Variants in ELK3 observed in about 807,000 individuals in gnomAD.
The protein encoded by ELK3 is ETS domain-containing protein Elk-3.
In ELK3, 10 loss-of-function variants were observed where a neutral mutation model predicts 28.9. The observed-to-expected ratio is 0.35, with a 90% confidence interval of 0.21 to 0.59. The LOEUF is 0.59. Among genes scored for constraint, ELK3 ranks in the 20% least tolerant of loss-of-function variants. The probability of loss-of-function intolerance (pLI) is 0.82; values close to 1 mark genes in which losing one functional copy is unlikely to be tolerated. For missense variants in ELK3, 463 were observed against 517.3 expected, an observed-to-expected ratio of 0.90 and a Z score of 1.02; for synonymous variants, 272 against 243.5, an observed-to-expected ratio of 1.12 and a Z score of -1.09.
At chr12:96,211,799 T>G (rs1371858780) in intron 1 of ELK3, among the ~76,000 whole-genome samples, 1 of 152,212 alleles carries the variant, frequency 6.6e-6, no homozygotes, top group Non-Finnish European at 1.5e-5. Context: ...AACTTGTGCT[T>G]TTCCATTGAC....
chr12:96,234,957 C>T (rs1951770541), intron 2 of ELK3, among the ~76,000 whole-genome samples: 1 of 152,094 alleles, frequency 6.6e-6, no homozygotes, highest in South Asian at 2.1e-4. Context: ...AGAGACAGGC[C>T]CCCGGTATTT....
Position 96,247,111 on chromosome 12 carries a change from G to A in ELK3, c.379G>A (p.Ala127Thr). 1 of 1,613,146 alleles carries A rather than the reference G, an allele frequency of 6.2e-7. No homozygotes were observed. The highest frequency in any genetic ancestry group is 8.5e-7 in the Non-Finnish European group (1 of 1,179,688). The change falls in exon 3 of 5, where the codon GCC becomes ACC. Residue 127 changes from alanine to threonine, a missense_variant. Ala to Thr is a moderately conservative substitution (Grantham distance 58). Coordinates refer to ENST00000228741, the MANE Select transcript of ELK3 (RefSeq NM_005230.4). This position sits in a 1 kb window ranked among gnomAD's most constrained non-coding sequence, Gnocchi z 5.5. ...EGREAHKHGLAALRSTSRNEY... is the reference protein window; with the variant it reads ...EGREAHKHGLTALRSTSRNEY... The stretch of plus-strand genomic sequence containing the variant: ...CCGCGAGGCCCACAAACACGGCCTG[G>A]CCGCCCTCAGAAGCACGAGCCGCAA...
chr12:96,256,256 G>A lies in ELK3; in HGVS notation c.1003-3475G>A, dbSNP rs139595546. Among the ~76,000 whole-genome samples the A allele has an allele frequency of 2.6e-5, 4 of 152,342 alleles. No homozygotes were observed. In the East Asian group the frequency reaches 5.8e-4, roughly 22 times the overall value. ...TGGGACTCCTCCAGAGGCTATGTCC[G>A]GAGCTTGCAGTTATCGGAAGGCATT... On this transcript the variant is annotated intron_variant, in intron 3 of 4. Coordinates refer to ENST00000228741, the MANE Select transcript of ELK3 (RefSeq NM_005230.4).
At chr12:96,224,660 T>C (rs1951687180) in intron 2 of ELK3, among the ~76,000 whole-genome samples, 1 of 152,240 alleles carries the variant, frequency 6.6e-6, no homozygotes, top group Non-Finnish European at 1.5e-5. Context: ...TTTAATGTGC[T>C]TGCTAGGGCA....
intron 4 of ELK3, among the ~76,000 whole-genome samples, chr12:96,265,440 CT>C (rs1256224430): frequency 2.6e-5 from 4 of 152,270 alleles, no homozygotes; most frequent in Admixed American, 1.3e-4. Flanking sequence ...AATCCCAGCA[CT>C]TTGGGAGGCT....
chr12:96,265,294 G>GT (rs1952021570), intron 4 of ELK3, among the ~76,000 whole-genome samples: 1 of 152,188 alleles, frequency 6.6e-6, no homozygotes, highest in Non-Finnish European at 1.5e-5. Context: ...GCAGAAATCA[G>GT]TAATTTATTT....
At chr12:96,258,196 A>G (rs1470188020) in intron 3 of ELK3, among the ~76,000 whole-genome samples, 2 of 152,244 alleles carry the variant, frequency 1.3e-5, no homozygotes, top group African/African-American at 4.8e-5. Flanking sequence ...TGAGCCGTGA[A>G]GTTTTAACTG....
intron 3 of ELK3, among the ~76,000 whole-genome samples, chr12:96,256,750 T>C (rs1194570511): frequency 6.6e-6 from 1 of 152,112 alleles, no homozygotes; most frequent in Non-Finnish European, 1.5e-5. Flanking sequence ...AGAAATCCCA[T>C]CTGGTTGAGG....
chr12:96,268,217 G>A lies in ELK3; in HGVS notation c.*1037G>A, dbSNP rs1459493879. 1 of 152,334 alleles carries A rather than the reference G, an allele frequency of 6.6e-6. No individual in the cohort carries two copies. Among genetic ancestry groups the A allele is most frequent in the East Asian group, 1.9e-4 (1 of 5,196 alleles). 9.4% of individuals were successfully genotyped at this position (152,334 alleles called of 1,614,324 possible). A position where few individuals can be genotyped will look rare whatever the true frequency, so the allele number is the denominator to read the frequency against. On this transcript the variant is annotated 3_prime_UTR_variant, in exon 5 of 5. Coordinates refer to ENST00000228741, the MANE Select transcript of ELK3 (RefSeq NM_005230.4). ...TTTTTAACACTAGGTATCTTCATCA[G>A]TATAGGTAGGTGTTCACAATTTTTG...
intron 4 of ELK3, 42 bp downstream of exon 4, chr12:96,259,895 G>C (rs747717458): frequency 2.0e-5 from 31 of 1,538,954 alleles, no homozygotes; most frequent in Non-Finnish European, 2.6e-5. Flanking sequence ...AAGCTTCTGA[G>C]GGATGGTTTT....
Position 96,200,544 on chromosome 12 carries a change from C to A in ELK3, c.-3+5839C>A, listed in dbSNP as rs531546427. On this transcript the variant is annotated intron_variant, in intron 1 of 4. Coordinates refer to ENST00000228741, the MANE Select transcript of ELK3 (RefSeq NM_005230.4). ...ACAGAGCCTGGTTCTGTCACCCAGG[C>A]TGGAGTGCACTGGCACTGTCATAGC... 1.6e-4 allele frequency among the ~76,000 whole-genome samples: 25 copies of A among 152,290 alleles called. No homozygotes were observed. In the South Asian group the frequency reaches 2.7e-3, roughly 16 times the overall value.
intron 2 of ELK3, among the ~76,000 whole-genome samples, chr12:96,241,829 C>A (rs547692044): frequency 7.2e-5 from 11 of 152,224 alleles, no homozygotes; most frequent in Admixed American, 2.0e-4. Context: ...TTGCCTGGAA[C>A]TGCCACTGGG....
At position 96,220,185 on chromosome 12, in the gene ELK3, C is replaced by T. The variant is rs1212944412; in HGVS notation, c.-2-3380C>T. ...AGGCCCTGAAGCAGTAGGTCCCCAT[C>T]CCCACCACTGCTCCTCTGCCTGTTC... On this transcript the variant is annotated intron_variant, in intron 1 of 4. Coordinates refer to ENST00000228741, the MANE Select transcript of ELK3 (RefSeq NM_005230.4). 2.6e-5 allele frequency among the ~76,000 whole-genome samples: 4 copies of T among 152,116 alleles called. No homozygotes were observed. In the East Asian group the frequency reaches 7.7e-4, roughly 29 times the overall value.
At chr12:96,244,894 T>A (rs1047400008) in intron 2 of ELK3, among the ~76,000 whole-genome samples, 10 of 152,156 alleles carry the variant, frequency 6.6e-5, no homozygotes, top group Admixed American at 6.5e-5. Context: ...GGAAAACATC[T>A]GAGTTTCCCA....
chr12:96,268,599 A>T lies in ELK3; in HGVS notation c.*1419A>T, dbSNP rs1203099331. On this transcript the variant is annotated 3_prime_UTR_variant, in exon 5 of 5. Transcript: ENST00000228741. ...AAAAGCACCAAGCTTTAAATTCAAG[A>T]TTAATTACAATCCTTAACTATAAGT... 6.6e-6 allele frequency: 1 copy of T among 152,248 alleles called. No homozygotes were observed. Among genetic ancestry groups the T allele is most frequent in the African/African-American group, 2.4e-5 (1 of 41,468 alleles). The allele number at this position is 152,248 out of a possible 1,614,324, so 9.4% of individuals were successfully genotyped here.
intron 1 of ELK3, among the ~76,000 whole-genome samples, chr12:96,215,082 C>T (rs1380552382): frequency 6.6e-6 from 1 of 151,248 alleles, no homozygotes; most frequent in Non-Finnish European, 1.5e-5. Context: ...AGAAGTTTTT[C>T]TCCTTTTCTT....
intron 1 of ELK3, among the ~76,000 whole-genome samples, chr12:96,219,693 C>T (rs1951648775): frequency 2.0e-5 from 3 of 152,174 alleles, no homozygotes; most frequent in Admixed American, 1.3e-4. Flanking sequence ...CCCAGAGCTG[C>T]CTGGGGGCTC....
Position 96,217,929 on chromosome 12 carries a change from C to T in ELK3, c.-2-5636C>T, listed in dbSNP as rs556384075. The stretch of plus-strand genomic sequence containing the variant: ...CTCCAGCCTGAGGGACAAAGAGAGA[C>T]GCCGTCTCAAAAAAAAAAAAAAAAA... On this transcript the variant is annotated intron_variant, in intron 1 of 4. Coordinates refer to ENST00000228741, the MANE Select transcript of ELK3 (RefSeq NM_005230.4). Among the ~76,000 whole-genome samples, 183 of 133,128 alleles carry T rather than the reference C, an allele frequency of 1.4e-3. 4 individuals are homozygous for T. Among genetic ancestry groups the T allele is most frequent in the African/African-American group, 5.2e-3 (173 of 33,124 alleles). 87.3% of individuals were successfully genotyped at this position (133,128 alleles called of 152,430 possible). A position where few individuals can be genotyped will look rare whatever the true frequency, so the allele number is the denominator to read the frequency against.
chr12:96,266,542 TTTC>T (rs1952031992), intron 4 of ELK3, among the ~76,000 whole-genome samples: 1 of 152,166 alleles, frequency 6.6e-6, no homozygotes, highest in African/African-American at 2.4e-5. Context: ...ATTAGAATAC[TTTC>T]TTAGCTCCAA....
Sources: gnomAD v4.1 joint callset for allele counts (sites outside exome capture counted in the v4.1 genomes callset) on GRCh38, gnomAD v4.1.1 for gene constraint, Gnocchi (gnomAD v3.1) non-coding constraint, MANE v1.5 for transcripts, NCBI Gene and HGNC (gene_info 2026-07-23, HGNC 2026-07-21) for gene names.